The following DENND4C variants were observed in gnomAD, a reference collection of about 807,000 sequenced individuals.
DENND4C encodes the protein DENN domain containing 4C.
A neutral mutation model predicts 203.0 loss-of-function variants in DENND4C; 108 were observed. That is an observed-to-expected ratio of 0.53 (90% CI 0.46 to 0.62). The LOEUF is 0.62. Ranked by LOEUF, DENND4C falls within the 20% of genes least tolerant of loss-of-function variation. The probability of loss-of-function intolerance (pLI) is 0.00; values close to 1 mark genes in which losing one functional copy is unlikely to be tolerated. For synonymous variants in DENND4C, 871 were observed against 792.4 expected, an observed-to-expected ratio of 1.10 and a Z score of -1.67; for missense variants, 2,481 against 2,301.2, an observed-to-expected ratio of 1.08 and a Z score of -1.60.
chr9:19,242,918 T>A (rs1178939286), intron 1 of DENND4C, among the ~76,000 whole-genome samples: 1 of 152,136 alleles, frequency 6.6e-6, no homozygotes, highest in African/African-American at 2.4e-5. Flanking sequence ...CTTCCCAAAG[T>A]GCTGGGATTA....
chr9:19,237,332 T>G (rs949664946), intron 1 of DENND4C, among the ~76,000 whole-genome samples: 13 of 151,614 alleles, frequency 8.6e-5, no homozygotes, highest in Non-Finnish European at 1.9e-4. Context: ...AGCTTTTAGA[T>G]TCAGGATTTT....
intron 24 of DENND4C, among the ~76,000 whole-genome samples, chr9:19,351,570 G>T (rs1202636527): frequency 6.6e-6 from 1 of 152,118 alleles, no homozygotes; most frequent in African/African-American, 2.4e-5. Context: ...CACTTCGGGA[G>T]GCAAGGCGGG....
intron 9 of DENND4C, among the ~76,000 whole-genome samples, chr9:19,303,455 G>C (rs1035775368): frequency 6.6e-6 from 1 of 152,148 alleles, no homozygotes; most frequent in Non-Finnish European, 1.5e-5. Flanking sequence ...ATGCATGACA[G>C]CAGAGTTAAA....
chr9:19,304,133 T>G (rs1839170153), intron 9 of DENND4C, among the ~76,000 whole-genome samples: 1 of 151,282 alleles, frequency 6.6e-6, no homozygotes, highest in African/African-American at 2.4e-5. Flanking sequence ...GAATGTTTTT[T>G]TCTCTTTTTT....
chr9:19,266,044 A>G (rs1830427129), intron 1 of DENND4C, among the ~76,000 whole-genome samples: 2 of 152,146 alleles, frequency 1.3e-5, no homozygotes, highest in South Asian at 2.1e-4. Flanking sequence ...GTCTTCCACA[A>G]TGGTTGAACT....
chr9:19,322,252 C>A (rs1359707124), intron 12 of DENND4C, among the ~76,000 whole-genome samples: 4 of 152,008 alleles, frequency 2.6e-5, no homozygotes, highest in African/African-American at 4.8e-5. Flanking sequence ...CTTTTTTTCC[C>A]CTTAACTTGT....
intron 16 of DENND4C, among the ~76,000 whole-genome samples, chr9:19,331,002 G>C (rs1168329533): frequency 2.0e-5 from 3 of 151,712 alleles, no homozygotes; most frequent in East Asian, 2.0e-4. Context: ...GTTGCGGTGA[G>C]CTGAGATCAC....
chr9:19,253,862 T>G (rs181455797), intron 1 of DENND4C, among the ~76,000 whole-genome samples: 1 of 152,276 alleles, frequency 6.6e-6, no homozygotes, highest in Admixed American at 6.5e-5. Context: ...GTAAGGTGGC[T>G]GAGCAAGGTG....
intron 1 of DENND4C, among the ~76,000 whole-genome samples, chr9:19,251,633 A>G (rs1826621189): frequency 6.6e-6 from 1 of 152,212 alleles, no homozygotes; most frequent in Admixed American, 6.5e-5. Flanking sequence ...TTTTAAGAGC[A>G]CCCAAGTCAC....
chr9:19,237,380 C>G (rs562165261), intron 1 of DENND4C, among the ~76,000 whole-genome samples: 34 of 151,316 alleles, frequency 2.2e-4, no homozygotes, highest in Admixed American at 6.6e-4. Context: ...GAGGCAGAGT[C>G]TCGCTCTATC....
At chr9:19,337,612 T>C (rs1345360282) in intron 20 of DENND4C, 2 of 1,282,670 alleles carry the variant, frequency 1.6e-6, no homozygotes, top group African/African-American at 1.5e-5. Flanking sequence ...CAGACTTATA[T>C]GACGTGAAGC....
At chr9:19,266,045 T>G (rs1335330205) in intron 1 of DENND4C, among the ~76,000 whole-genome samples, 1 of 152,224 alleles carries the variant, frequency 6.6e-6, no homozygotes, top group Non-Finnish European at 1.5e-5. Context: ...TCTTCCACAA[T>G]GGTTGAACTA....
At chr9:19,265,165 C>A (rs1044138089) in intron 1 of DENND4C, among the ~76,000 whole-genome samples, 2 of 152,050 alleles carry the variant, frequency 1.3e-5, no homozygotes, top group South Asian at 2.1e-4. Context: ...CAGGTTTACA[C>A]CACCAGGCCT....
chr9:19,336,919 T>C, intron 20 of DENND4C, 87 bp downstream of exon 20: 1 of 1,279,812 alleles, frequency 7.8e-7, no homozygotes, highest in Non-Finnish European at 1.1e-6. Context: ...TTCTTGAGTT[T>C]GTGTGATATG....
chr9:19,372,474 A>C lies in DENND4C; in HGVS notation c.*301A>C. 2 of 245,858 alleles carry C rather than the reference A, an allele frequency of 8.1e-6. No homozygotes were observed. The allele number at this position is 245,858 out of a possible 1,614,324, so 15.2% of individuals were successfully genotyped here. ...AGTAGTTTGATAGAAATAATGAGGA[A>C]CCATATTCATTCTAGGCATTGTTTA... On this transcript the variant is annotated 3_prime_UTR_variant, in exon 33 of 33. Transcript: ENST00000434457.
intron 1 of DENND4C, among the ~76,000 whole-genome samples, chr9:19,244,490 C>T (rs904326566): frequency 4.0e-5 from 6 of 151,854 alleles, no homozygotes; most frequent in Non-Finnish European, 8.8e-5. Context: ...CCTGTAATCC[C>T]AGCACTTTGG....
chr9:19,241,694 G>A (rs1271180292), intron 1 of DENND4C, among the ~76,000 whole-genome samples: 1 of 151,990 alleles, frequency 6.6e-6, no homozygotes, highest in Non-Finnish European at 1.5e-5. Context: ...ACCTCCTGAA[G>A]GAAACTGCCT....
chr9:19,290,817 A>T lies in DENND4C; in HGVS notation c.742A>T (p.Thr248Ser). 2 of 1,613,604 alleles carry T rather than the reference A, an allele frequency of 1.2e-6. No individual in the cohort carries two copies. Among genetic ancestry groups the T allele is most frequent in the Non-Finnish European group, 1.7e-6 (2 of 1,179,748 alleles). ...TACTATTGAGTGCTGGGATCCTGAA[A>T]CCAAATATCCACTTCCAGTTTTTTC... ...GATIECWDPE[T>S]KYPLPVFSTF... The change falls in exon 5 of 33, where the codon ACC (threonine) becomes TCC (serine). Residue 248 changes from threonine (T) to serine (S), a missense_variant. By Grantham distance (58) the Thr-to-Ser change is moderately conservative. Coordinates refer to ENST00000434457, the MANE Select transcript of DENND4C (RefSeq NM_001330640.2).
At chr9:19,267,535 A>T (rs1830750896) in intron 1 of DENND4C, among the ~76,000 whole-genome samples, 1 of 151,844 alleles carries the variant, frequency 6.6e-6, no homozygotes, top group African/African-American at 2.4e-5. Flanking sequence ...AATTTTACTT[A>T]AAGTTTTTTT....
Sources: gnomAD v4.1 joint callset for allele counts (sites outside exome capture counted in the v4.1 genomes callset) on GRCh38, gnomAD v4.1.1 for gene constraint, MANE v1.5 for transcripts, NCBI Gene and HGNC (gene_info 2026-07-23, HGNC 2026-07-21) for gene names.